The following PCDHA7 variants were observed in gnomAD, a reference collection of about 807,000 sequenced individuals.
PCDHA7 encodes protocadherin alpha 7, also known as protocadherin alpha-7.
PCDHA7 carries 37 observed loss-of-function variants against 57.2 expected under a neutral mutation model. The ratio of observed to expected loss-of-function variants is 0.65; its 90% CI spans 0.50 to 0.85. The LOEUF (loss-of-function observed/expected upper bound fraction) is 0.85. PCDHA7 is among the 40% of genes least tolerant of loss of function. The pLI is 0.00. For synonymous variants in PCDHA7, 553 were observed against 558.8 expected (o/e 0.99, Z 0.15); for missense variants, 1,188 against 1,241.8 (o/e 0.96, Z 0.65).
rs782568001 is a variant in PCDHA7, at chr5:140,876,674, A to G, written c.2355+39936A>G. The G allele has an allele frequency of 5.0e-6, 8 of 1,614,142 alleles. No homozygotes were observed. The South Asian group carries it at 7.7e-5, about 16-fold the overall frequency. On this transcript the variant is annotated intron_variant, in intron 1 of 3. Transcript: ENST00000525929. ...GTTCCCTTCAAGCTGGTGTCCACCTACAAGAATTACTACTCGTTGGTGCTG... is the reference window on the plus strand; with the variant it reads ...GTTCCCTTCAAGCTGGTGTCCACCTGCAAGAATTACTACTCGTTGGTGCTG...
chr5:140,921,017 T>C (rs2153559418), intron 1 of PCDHA7, among the ~76,000 whole-genome samples: 1 of 152,192 alleles, frequency 6.6e-6, no homozygotes, highest in African/African-American at 2.4e-5. Context: ...TCTTGCTATG[T>C]TTTCTAGACT....
At chr5:140,936,875 C>T (rs1052156307) in intron 1 of PCDHA7, among the ~76,000 whole-genome samples, 13 of 151,832 alleles carry the variant, frequency 8.6e-5, no homozygotes, top group Non-Finnish European at 1.5e-5. Flanking sequence ...TTTAAAAAAC[C>T]CTGCTTTGAT....
Position 140,834,377 on chromosome 5 carries a change from A to G in PCDHA7, c.-7A>G, listed in dbSNP as rs1445346495. The G allele has an allele frequency of 6.4e-7, 1 of 1,562,428 alleles. No individual in the cohort carries two copies. The highest frequency in any genetic ancestry group is 8.7e-7 in the Non-Finnish European group (1 of 1,155,884). On this transcript the variant is annotated 5_prime_UTR_variant, in exon 1 of 4. Coordinates refer to ENST00000525929, the MANE Select transcript of PCDHA7 (RefSeq NM_018910.3). Reference sequence around the variant, plus strand: ...TGCTGACTAGAAAAACAAGCCAATAATTTGAAATGGTGTGCCCGAATGGAT... The same window carrying G: ...TGCTGACTAGAAAAACAAGCCAATAGTTTGAAATGGTGTGCCCGAATGGAT...
chr5:140,853,422 G>A, intron 1 of PCDHA7: 8 of 986,108 alleles, frequency 8.1e-6, no homozygotes, highest in Non-Finnish European at 9.8e-6. Flanking sequence ...GAAAGCAGAA[G>A]AGACACTTTC....
chr5:140,935,380 A>C (rs1188418457), intron 1 of PCDHA7, among the ~76,000 whole-genome samples: 1 of 152,220 alleles, frequency 6.6e-6, no homozygotes, highest in Non-Finnish European at 1.5e-5. Context: ...AGAATTACTC[A>C]TTTGTTATCC....
At chr5:140,962,312 A>G (rs2095671896) in intron 1 of PCDHA7, among the ~76,000 whole-genome samples, 1 of 152,204 alleles carries the variant, frequency 6.6e-6, no homozygotes, top group African/African-American at 2.4e-5. Context: ...TTGTTAGGCC[A>G]TCTCAATTGA....
In PCDHA7 at chr5:140,857,169, C is replaced by T. The variant is rs199584063; in HGVS notation, c.2355+20431C>T. On this transcript the variant is annotated intron_variant, in intron 1 of 3. Coordinates refer to ENST00000525929, the MANE Select transcript of PCDHA7 (RefSeq NM_018910.3). ...ACCGTCATTGCCCTAATCAGCGTTTCTGACCATGATTCAGGAGCCAACGGA... is the reference window on the plus strand; with the variant it reads ...ACCGTCATTGCCCTAATCAGCGTTTTTGACCATGATTCAGGAGCCAACGGA... 2.2e-5 allele frequency: 35 copies of T among 1,598,474 alleles called. 1 individual carries two copies. The East Asian group carries it at 7.4e-4, about 34-fold the overall frequency.
At position 140,835,650 on chromosome 5, in the gene PCDHA7, C is replaced by T. The variant is rs2150240759; in HGVS notation, c.1267C>T (p.Leu423=). The T allele has an allele frequency of 2.2e-5, 35 of 1,613,820 alleles. 1 individual carries two copies. The highest frequency in any genetic ancestry group is 2.2e-4 in the Admixed American group (13 of 59,994). The change falls in exon 1 of 4, where the codon CTG becomes TTG. Residue 423 remains leucine, a synonymous_variant. Coordinates refer to ENST00000525929, the MANE Select transcript of PCDHA7 (RefSeq NM_018910.3). ...LDRESVSAYE[L]VVTARDGGSP... is the part of the protein sequence containing the mutation. ...CCGCGAGAGTGTGTCCGCCTATGAG[C>T]TGGTGGTTACCGCGCGGGACGGGGG...
chr5:140,901,712 GAT>G lies in PCDHA7; in HGVS notation c.2355+64975_2355+64976del, dbSNP rs1187367855. Among the ~76,000 whole-genome samples, 6 of 152,218 alleles carry G rather than the reference GAT, an allele frequency of 3.9e-5. No homozygotes were observed. In the East Asian group the frequency reaches 9.6e-4, roughly 24 times the overall value. ...TTTTGTAGTTCTATATACATTTTCA[GAT>G]TGTCTTTTCTATTTCTGTGAAGAAT... On this transcript the variant is annotated intron_variant, in intron 1 of 3. Coordinates refer to ENST00000525929, the MANE Select transcript of PCDHA7 (RefSeq NM_018910.3).
intron 1 of PCDHA7, among the ~76,000 whole-genome samples, chr5:140,905,837 G>A (rs1433117944): frequency 1.3e-5 from 2 of 152,148 alleles, no homozygotes; most frequent in African/African-American, 2.4e-5. Context: ...ATAAAGGGGA[G>A]TTTATTAAGG....
At chr5:140,862,305 C>T (rs953461441) in intron 1 of PCDHA7, 3 of 278,650 alleles carry the variant, frequency 1.1e-5, no homozygotes, top group Non-Finnish European at 2.1e-5. Flanking sequence ...CCACTGGGTA[C>T]CGTCATAGCC....
chr5:140,850,912 T>G (rs2150501930), intron 1 of PCDHA7: 2 of 1,541,844 alleles, frequency 1.3e-6, no homozygotes, highest in South Asian at 2.5e-5. Context: ...AGCATTTTAT[T>G]TATTTATATA....
chr5:140,851,932 TGTA>T lies in PCDHA7; in HGVS notation c.2355+15198_2355+15200del. ...TCACTACATGTTATGTTTCCTGAAT[TGTA>T]GTATGTGACTTTCAAAATGGTGGTT... On this transcript the variant is annotated intron_variant, in intron 1 of 3. Transcript: ENST00000525929. 5.2e-6 allele frequency: 5 copies of T among 965,638 alleles called. 1 individual carries two copies. The highest frequency in any genetic ancestry group is 5.0e-6 in the Non-Finnish European group (4 of 798,866). The allele number at this position is 965,638 out of a possible 1,614,324, so 59.8% of individuals were successfully genotyped here. A position where few individuals can be genotyped will look rare whatever the true frequency, so the allele number is the denominator to read the frequency against.
chr5:140,857,750 C>T (rs781977975), intron 1 of PCDHA7: 1 of 1,597,430 alleles, frequency 6.3e-7, no homozygotes, highest in Non-Finnish European at 8.6e-7. Context: ...GCTGGCGTCT[C>T]CCGCTGGCAG....
intron 1 of PCDHA7, among the ~76,000 whole-genome samples, chr5:140,950,786 T>A (rs890329662): frequency 6.6e-6 from 1 of 152,140 alleles, no homozygotes; most frequent in Non-Finnish European, 1.5e-5. Context: ...TGGTACTTTT[T>A]AAATATTGTC....
chr5:140,973,493 C>T (rs1050229284), intron 1 of PCDHA7, among the ~76,000 whole-genome samples: 1 of 152,116 alleles, frequency 6.6e-6, no homozygotes, highest in African/African-American at 2.4e-5. Context: ...TCACAGGACT[C>T]TTCTTCTGAG....
intron 3 of PCDHA7, among the ~76,000 whole-genome samples, chr5:141,007,379 C>G (rs1178671835): frequency 7.1e-6 from 1 of 139,926 alleles, no homozygotes; most frequent in Non-Finnish European, 1.5e-5. Flanking sequence ...GATGGAACAC[C>G]ATCTCTACTA....
chr5:140,841,831 C>G (rs2150323800), intron 1 of PCDHA7: 1 of 1,613,930 alleles, frequency 6.2e-7, no homozygotes, highest in East Asian at 2.2e-5. Context: ...TGTTAACCTA[C>G]AGGCTTAGCT....
At chr5:140,836,841 G>A in intron 1 of PCDHA7, 103 bp downstream of exon 1, 1 of 836,020 alleles carries the variant, frequency 1.2e-6, no homozygotes, top group South Asian at 2.1e-5. Context: ...ATAGCTTTAT[G>A]TATAATTATT....
Sources: gnomAD v4.1 joint callset for allele counts (sites outside exome capture counted in the v4.1 genomes callset) on GRCh38, gnomAD v4.1.1 for gene constraint, MANE v1.5 for transcripts, NCBI Gene and HGNC (gene_info 2026-07-23, HGNC 2026-07-21) for gene names.